SMPD3: variants seen among roughly 807,000 people sequenced by gnomAD.
SMPD3 encodes sphingomyelin phosphodiesterase 3, also known as nSMase-2.
SMPD3 carries 21 observed loss-of-function variants against 55.7 expected under a neutral mutation model. The observed-to-expected ratio is 0.38, with a 90% CI of 0.27 to 0.54. SMPD3 has a LOEUF of 0.54. Ranked by LOEUF, SMPD3 falls within the 20% of genes least tolerant of loss-of-function variation. The pLI is 0.80. For missense variants in SMPD3, 842 were observed against 899.6 expected, an observed-to-expected ratio of 0.94 and a Z score of 0.82; for synonymous variants, 457 against 404.3, an observed-to-expected ratio of 1.13 and a Z score of -1.56.
At chr16:68,409,016 C>A (rs1166215976) in intron 1 of SMPD3, among the ~76,000 whole-genome samples, 1 of 152,210 alleles carries the variant, frequency 6.6e-6, no homozygotes, top group Non-Finnish European at 1.5e-5. Context: ...GCTGAGGTCT[C>A]ACAAGGGCCC....
At chr16:68,420,304 C>T (rs533057274) in intron 1 of SMPD3, among the ~76,000 whole-genome samples, 11 of 152,240 alleles carry the variant, frequency 7.2e-5, no homozygotes, top group Admixed American at 3.3e-4. Flanking sequence ...ATTTGAACTT[C>T]GCAATCCTAT....
Position 68,404,259 on chromosome 16 carries a change from C to A in SMPD3, c.-268-17600G>T, listed in dbSNP as rs2090235173. ...GACATTACAGGCATGTGCTACCATG[C>A]CTGGCTAATTTTGTATTTTTAGTAG... On this transcript the variant is annotated intron_variant, in intron 1 of 8. Transcript: ENST00000219334. This position sits in a 1 kb window ranked among gnomAD's most constrained non-coding sequence, Gnocchi z 4.0. 6.6e-6 allele frequency among the ~76,000 whole-genome samples: 1 copy of A among 150,740 alleles called. No individual in the cohort carries two copies. Among genetic ancestry groups the A allele is most frequent in the Non-Finnish European group, 1.5e-5 (1 of 67,812 alleles).
chr16:68,398,045 G>C (rs1052616971), intron 1 of SMPD3, among the ~76,000 whole-genome samples: 1 of 152,040 alleles, frequency 6.6e-6, no homozygotes, highest in Non-Finnish European at 1.5e-5. Flanking sequence ...TCGTCAGGGA[G>C]GGAGGGAGGG....
At chr16:68,441,168 C>T (rs1216021110) in intron 1 of SMPD3, among the ~76,000 whole-genome samples, 1 of 152,206 alleles carries the variant, frequency 6.6e-6, no homozygotes, top group Non-Finnish European at 1.5e-5. Flanking sequence ...AACACTCACT[C>T]TGGACCTGTC....
At chr16:68,440,143 C>T (rs554640377) in intron 1 of SMPD3, among the ~76,000 whole-genome samples, 8 of 152,280 alleles carry the variant, frequency 5.3e-5, no homozygotes, top group South Asian at 2.1e-4. Context: ...TGGGGAATGA[C>T]GCAGTAGAGT....
chr16:68,365,547 T>C (rs901294343), intron 3 of SMPD3, among the ~76,000 whole-genome samples: 4 of 152,080 alleles, frequency 2.6e-5, no homozygotes, highest in Admixed American at 2.6e-4. Context: ...TGCCATGGCG[T>C]GGCCTCAGAG....
chr16:68,426,343 G>T (rs190753538), intron 1 of SMPD3, among the ~76,000 whole-genome samples: 2 of 152,162 alleles, frequency 1.3e-5, no homozygotes, highest in Non-Finnish European at 2.9e-5. Flanking sequence ...TCATTATGGG[G>T]ACTGGAGACT....
In SMPD3 at chr16:68,359,066, A is replaced by C. The variant is rs2089054915; in HGVS notation, c.*2140T>G. The C allele has an allele frequency of 6.6e-6, 1 of 152,632 alleles. No homozygotes were observed. The highest frequency in any genetic ancestry group is 6.5e-5 in the Admixed American group (1 of 15,292). 9.5% of individuals were successfully genotyped at this position (152,632 alleles called of 1,614,324 possible). A position where few individuals can be genotyped will look rare whatever the true frequency, so the allele number is the denominator to read the frequency against. On this transcript the variant is annotated 3_prime_UTR_variant, in exon 9 of 9. Coordinates refer to ENST00000219334, the MANE Select transcript of SMPD3 (RefSeq NM_018667.4). ...GCCTGTGAGGTGGGAGGGGAGGAGC[A>C]TGCAGCCCTGACTCCCACGCCTGCT... is the stretch of plus-strand genomic sequence containing the variant.
At chr16:68,418,367 G>GA (rs772534317) in intron 1 of SMPD3, among the ~76,000 whole-genome samples, 210 of 124,502 alleles carry the variant, frequency 1.7e-3, no homozygotes, top group African/African-American at 3.3e-3. Context: ...TTCATAAAAT[G>GA]AAAAAAAAAA....
chr16:68,408,252 A>G (rs904284036), intron 1 of SMPD3, among the ~76,000 whole-genome samples: 5 of 152,220 alleles, frequency 3.3e-5, no homozygotes, highest in African/African-American at 1.2e-4. Flanking sequence ...GCAAAGGGAA[A>G]ATTATTTTCT....
chr16:68,414,977 G>A (rs1477583110), intron 1 of SMPD3, among the ~76,000 whole-genome samples: 7 of 152,160 alleles, frequency 4.6e-5, no homozygotes, highest in African/African-American at 1.7e-4. Flanking sequence ...TTGGGTGGAT[G>A]CTGAGGCCTC....
At chr16:68,361,877 C>T (rs922230881) in intron 7 of SMPD3, 118 bp from the exon 8 acceptor site, 7 of 1,397,404 alleles carry the variant, frequency 5.0e-6, no homozygotes, top group African/African-American at 2.9e-5. Flanking sequence ...GGGACCAAAG[C>T]GCTGGGTTTA....
rs1368245296 is a variant in SMPD3, at chr16:68,358,359, TC to T, written c.*2846del. ...TCACAGTTTTATTTTCTCCTCGTTA[TC>T]CATCCTTCCTTTCAGCACCAGTAAG... On this transcript the variant is annotated 3_prime_UTR_variant, in exon 9 of 9. Coordinates refer to ENST00000219334, the MANE Select transcript of SMPD3 (RefSeq NM_018667.4). The T allele has an allele frequency of 2.6e-5, 4 of 152,760 alleles. No homozygotes were observed. The highest frequency in any genetic ancestry group is 9.6e-5 in the African/African-American group (4 of 41,466). 9.5% of individuals were successfully genotyped at this position (152,760 alleles called of 1,614,324 possible).
intron 1 of SMPD3, among the ~76,000 whole-genome samples, chr16:68,403,171 C>T (rs1458442592): frequency 6.6e-6 from 1 of 152,236 alleles, no homozygotes; most frequent in Non-Finnish European, 1.5e-5. Context: ...CCATCCCGTA[C>T]AAATAATGCC....
intron 3 of SMPD3, among the ~76,000 whole-genome samples, chr16:68,366,110 C>A (rs2089471075): frequency 6.6e-6 from 1 of 152,246 alleles, no homozygotes; most frequent in Non-Finnish European, 1.5e-5. Flanking sequence ...CCAAAAAGCA[C>A]TCCAGGGAGG....
At chr16:68,377,024 TG>T (rs946399250) in intron 2 of SMPD3, among the ~76,000 whole-genome samples, 1 of 152,126 alleles carries the variant, frequency 6.6e-6, no homozygotes, top group Non-Finnish European at 1.5e-5. Flanking sequence ...AGCCCTTGTG[TG>T]CCCTGTTTGC....
intron 1 of SMPD3, among the ~76,000 whole-genome samples, chr16:68,405,166 C>T (rs1016184574): frequency 3.9e-5 from 6 of 152,130 alleles, no homozygotes; most frequent in African/African-American, 1.2e-4. Context: ...GTCACAGCCT[C>T]GGGACTCATG....
chr16:68,416,696 C>G (rs2090342233), intron 1 of SMPD3, among the ~76,000 whole-genome samples: 1 of 152,170 alleles, frequency 6.6e-6, no homozygotes, highest in Non-Finnish European at 1.5e-5. Flanking sequence ...GTAGGTGTGC[C>G]TTAGGTGAGT....
chr16:68,363,164 G>A (rs1044143288), intron 7 of SMPD3, among the ~76,000 whole-genome samples: 1 of 112,978 alleles, frequency 8.9e-6, no homozygotes, highest in Admixed American at 9.3e-5. Context: ...CATGGGGGTC[G>A]ACCTGTGGCC....
Sources: gnomAD v4.1 joint callset for allele counts (sites outside exome capture counted in the v4.1 genomes callset) on GRCh38, gnomAD v4.1.1 for gene constraint, Gnocchi (gnomAD v3.1) non-coding constraint, MANE v1.5 for transcripts, NCBI Gene and HGNC (gene_info 2026-07-23, HGNC 2026-07-21) for gene names.